The following HIVEP3 variants were observed in gnomAD, a reference collection of about 807,000 sequenced individuals.
HIVEP3 encodes the protein HIVEP zinc finger 3.
A neutral mutation model predicts 152.8 loss-of-function variants in HIVEP3; 49 were observed. The ratio of observed to expected loss-of-function variants is 0.32; its 90% CI spans 0.26 to 0.41. The LOEUF is 0.41. Ranked by LOEUF, HIVEP3 falls within the 10% of genes least tolerant of loss-of-function variation. The pLI, the probability that HIVEP3 is intolerant of heterozygous loss-of-function variation, is 1.00. For missense variants in HIVEP3, 2,790 were observed against 3,103.3 expected (o/e 0.90, Z 2.40); for synonymous variants, 1,269 against 1,289.0 (o/e 0.98, Z 0.33).
rs1186476038 is a variant in HIVEP3, at chr1:41,508,284, G to A, written c.*2167C>T. 1 of 152,228 alleles carries A rather than the reference G, an allele frequency of 6.6e-6. No individual in the cohort carries two copies. Among genetic ancestry groups the A allele is most frequent in the African/African-American group, 2.4e-5 (1 of 41,444 alleles). 9.4% of individuals were successfully genotyped at this position (152,228 alleles called of 1,614,324 possible). A position where few individuals can be genotyped will look rare whatever the true frequency, so the allele number is the denominator to read the frequency against. On this transcript the variant is annotated 3_prime_UTR_variant, in exon 9 of 9. Transcript: ENST00000372583. ...ATGCAGCTCCCAGACCTCAGCCCTT[G>A]AAGTCTCCAATCCGTGGGCAGTCCC...
intron 3 of HIVEP3, among the ~76,000 whole-genome samples, chr1:41,597,895 A>C (rs368156084): frequency 6.6e-6 from 1 of 152,346 alleles, no homozygotes; most frequent in Admixed American, 6.5e-5. Flanking sequence ...TCTACAAACA[A>C]GGCCCAGATG....
intron 1 of HIVEP3, among the ~76,000 whole-genome samples, chr1:42,018,595 C>T (rs1027491090): frequency 3.6e-4 from 55 of 151,996 alleles, no homozygotes; most frequent in Admixed American, 3.5e-3. Flanking sequence ...GAATATGTCA[C>T]CCCAAAATAT....
intron 1 of HIVEP3, among the ~76,000 whole-genome samples, chr1:41,957,455 G>T (rs944064173): frequency 6.6e-6 from 1 of 152,186 alleles, no homozygotes; most frequent in Non-Finnish European, 1.5e-5. Context: ...TTGGGGTTAA[G>T]TCCTGGCTTC....
intron 2 of HIVEP3, among the ~76,000 whole-genome samples, chr1:41,677,723 G>A (rs1309375681): frequency 1.3e-5 from 2 of 152,248 alleles, no homozygotes; most frequent in Admixed American, 6.5e-5. Flanking sequence ...GCATTGGCCT[G>A]TAACTATCAA....
intron 2 of HIVEP3, among the ~76,000 whole-genome samples, chr1:41,699,814 C>T (rs2124125860): frequency 6.6e-6 from 1 of 152,210 alleles, no homozygotes; most frequent in African/African-American, 2.4e-5. Flanking sequence ...CCTCCCCACC[C>T]TCCCACACCC....
intron 3 of HIVEP3, among the ~76,000 whole-genome samples, chr1:41,615,883 C>A (rs528897884): frequency 1.9e-4 from 23 of 122,884 alleles, no homozygotes; most frequent in Admixed American, 1.7e-3. Context: ...TATTATCATG[C>A]ATAATATTGC....
chr1:41,908,116 C>A (rs201055583), intron 1 of HIVEP3, among the ~76,000 whole-genome samples: 2 of 151,936 alleles, frequency 1.3e-5, no homozygotes, highest in East Asian at 3.9e-4. Flanking sequence ...GTGAGTGGTT[C>A]TGGGCATCTA....
At chr1:41,790,047 C>T (rs1025393121) in intron 1 of HIVEP3, among the ~76,000 whole-genome samples, 2 of 152,178 alleles carry the variant, frequency 1.3e-5, no homozygotes, top group African/African-American at 4.8e-5. Flanking sequence ...CTTTCTGACT[C>T]CAGGGTCAGA....
intron 5 of HIVEP3, among the ~76,000 whole-genome samples, chr1:41,552,374 C>T (rs1244659218): frequency 1.2e-4 from 16 of 129,106 alleles, no homozygotes; most frequent in African/African-American, 4.6e-4. Flanking sequence ...CCCCTCCCCC[C>T]ACCCCACAAC....
intron 1 of HIVEP3, among the ~76,000 whole-genome samples, chr1:41,791,574 C>T (rs1274160583): frequency 6.7e-6 from 1 of 149,628 alleles, no homozygotes; most frequent in African/African-American, 2.5e-5. Flanking sequence ...AAATCATGCT[C>T]TATGGATGGA....
chr1:41,545,017 C>T (rs1643696018), intron 5 of HIVEP3, among the ~76,000 whole-genome samples: 1 of 106,116 alleles, frequency 9.4e-6, no homozygotes, highest in African/African-American at 3.5e-5. Context: ...ACCACCACCA[C>T]TACCACCACC....
In HIVEP3 at chr1:41,702,888, T is replaced by C. The variant is rs145924533; in HGVS notation, c.-800-1893A>G. Among the ~76,000 whole-genome samples the C allele has an allele frequency of 6.5e-3, 994 of 152,360 alleles. 15 individuals are homozygous for C. The highest frequency in any genetic ancestry group is 0.023 in the African/African-American group (956 of 41,582). On this transcript the variant is annotated intron_variant, in intron 1 of 8. Transcript: ENST00000372583. ...CCCAACAGATGTCCTGAAGGGAGTT[T>C]TTTGTCACCCATGGAGCCAGGCTGC...
At chr1:41,881,634 C>T (rs1484844258) in intron 1 of HIVEP3, among the ~76,000 whole-genome samples, 1 of 152,146 alleles carries the variant, frequency 6.6e-6, no homozygotes, top group African/African-American at 2.4e-5. Context: ...TATTAATAGA[C>T]ACATGATGGA....
At chr1:41,970,867 C>A (rs1265265246) in intron 1 of HIVEP3, among the ~76,000 whole-genome samples, 1 of 152,056 alleles carries the variant, frequency 6.6e-6, no homozygotes, top group Non-Finnish European at 1.5e-5. Flanking sequence ...CTAGGGCTAC[C>A]AGAAGTTGGA....
intron 1 of HIVEP3, among the ~76,000 whole-genome samples, chr1:41,888,834 A>G (rs931369930): frequency 1.4e-5 from 2 of 142,176 alleles, no homozygotes; most frequent in African/African-American, 2.6e-5. Flanking sequence ...CATATACCAC[A>G]CACACATGCC....
At chr1:41,947,504 C>T (rs180983309) in intron 1 of HIVEP3, among the ~76,000 whole-genome samples, 1 of 152,296 alleles carries the variant, frequency 6.6e-6, no homozygotes, top group African/African-American at 2.4e-5. Context: ...TATGGATTCC[C>T]AGGTATGGCA....
chr1:41,847,791 T>C (rs1430619288), intron 1 of HIVEP3: 1 of 152,444 alleles, frequency 6.6e-6, no homozygotes, highest in Non-Finnish European at 1.5e-5. Context: ...CCACAGACCA[T>C]ACTTTCTCTC....
intron 5 of HIVEP3, among the ~76,000 whole-genome samples, chr1:41,536,516 G>T (rs1222792487): frequency 6.6e-6 from 1 of 152,086 alleles, no homozygotes; most frequent in Non-Finnish European, 1.5e-5. Context: ...CACTAGAGGG[G>T]GATGGGCTGG....
intron 3 of HIVEP3, among the ~76,000 whole-genome samples, chr1:41,603,645 C>G (rs1439179516): frequency 1.3e-5 from 2 of 152,206 alleles, no homozygotes; most frequent in East Asian, 3.8e-4. Flanking sequence ...CAGGTGTGAG[C>G]CACTGTGCCT....
Sources: allele counts gnomAD v4.1 joint callset (sites outside exome capture counted in the v4.1 genomes callset), GRCh38; gene constraint gnomAD v4.1.1; transcripts MANE v1.5; gene names NCBI Gene and HGNC (gene_info 2026-07-23, HGNC 2026-07-21).